ENOX1: variants seen among roughly 807,000 people sequenced by gnomAD.
The protein encoded by ENOX1 is candidate growth-related and time keeping constitutive hydroquinone (NADH) oxidase.
A neutral mutation model predicts 82.5 loss-of-function variants in ENOX1; 42 were observed. The observed-to-expected ratio is 0.51, with a 90% confidence interval of 0.40 to 0.66. The LOEUF (loss-of-function observed/expected upper bound fraction) is 0.66. ENOX1 is among the 30% of genes least tolerant of loss of function. The pLI, the probability that ENOX1 is intolerant of heterozygous loss-of-function variation, is 0.00. For synonymous variants in ENOX1, 271 were observed against 282.2 expected (o/e 0.96, Z 0.40); for missense variants, 608 against 811.6 (o/e 0.75, Z 3.05).
At chr13:43,671,666 C>T (rs931936606) in intron 1 of ENOX1, among the ~76,000 whole-genome samples, 47 of 152,090 alleles carry the variant, frequency 3.1e-4, no homozygotes, top group African/African-American at 1.1e-3. Flanking sequence ...AAAAAGAAAC[C>T]CCTAGAATAG....
intron 2 of ENOX1, among the ~76,000 whole-genome samples, chr13:43,491,758 T>C (rs1461835519): frequency 6.6e-6 from 1 of 152,028 alleles, no homozygotes; most frequent in Non-Finnish European, 1.5e-5. Flanking sequence ...TGAGACTCCA[T>C]CTCAAAAATA....
intron 2 of ENOX1, among the ~76,000 whole-genome samples, chr13:43,640,911 C>T (rs981640939): frequency 6.4e-4 from 12 of 18,806 alleles, no homozygotes; most frequent in East Asian, 1.8e-3. Context: ...CACACACGCA[C>T]GCACACATAC....
intron 7 of ENOX1, among the ~76,000 whole-genome samples, chr13:43,358,262 A>C (rs749239572): frequency 7.9e-5 from 12 of 152,158 alleles, no homozygotes; most frequent in Non-Finnish European, 1.8e-4. Context: ...CTTCTCATTT[A>C]ATCAAGTAGG....
intron 1 of ENOX1, among the ~76,000 whole-genome samples, chr13:43,766,538 A>T (rs113968871): frequency 1.3e-5 from 2 of 152,204 alleles, no homozygotes; most frequent in Non-Finnish European, 2.9e-5. Flanking sequence ...ATGGGGTAGC[A>T]CACTGCTATA....
chr13:43,419,084 A>G (rs2181499), intron 3 of ENOX1, among the ~76,000 whole-genome samples: 27,397 of 152,120 alleles, frequency 0.18, 3,023 homozygotes, highest in East Asian at 0.52. Context: ...AGGCTGAGGC[A>G]GGAGAATCGC....
chr13:43,425,615 C>T (rs1023359181), intron 3 of ENOX1, among the ~76,000 whole-genome samples: 5 of 152,136 alleles, frequency 3.3e-5, no homozygotes, highest in African/African-American at 1.2e-4. Context: ...AGCAACTAGT[C>T]TATTTTTTTA....
intron 1 of ENOX1, among the ~76,000 whole-genome samples, chr13:43,769,292 G>A (rs114222032): frequency 0.011 from 1,675 of 152,134 alleles, 25 homozygotes; most frequent in African/African-American, 0.037. Context: ...CTACTATAGC[G>A]AATAGCACCC....
intron 1 of ENOX1, among the ~76,000 whole-genome samples, chr13:43,725,420 G>C (rs1393131294): frequency 6.6e-6 from 1 of 152,106 alleles, no homozygotes; most frequent in Non-Finnish European, 1.5e-5. Flanking sequence ...CCAAGTAGTA[G>C]TGTTATTCTT....
intron 2 of ENOX1, among the ~76,000 whole-genome samples, chr13:43,630,587 A>G (rs997182034): frequency 3.3e-5 from 5 of 152,094 alleles, no homozygotes; most frequent in Admixed American, 3.3e-4. Flanking sequence ...ATGAAGTAAA[A>G]GGATTACCTT....
intron 3 of ENOX1, among the ~76,000 whole-genome samples, chr13:43,445,821 A>T: frequency 6.6e-6 from 1 of 152,212 alleles, no homozygotes; most frequent in East Asian, 1.9e-4. Context: ...CCTGGGAGAT[A>T]AGAAGAGATT....
At chr13:43,588,712 C>G (rs2081105292) in intron 2 of ENOX1, among the ~76,000 whole-genome samples, 1 of 152,188 alleles carries the variant, frequency 6.6e-6, no homozygotes, top group Non-Finnish European at 1.5e-5. Flanking sequence ...AAATTCTGCT[C>G]AGATCCTCAA....
chr13:43,538,484 C>T (rs1286078569), intron 2 of ENOX1, among the ~76,000 whole-genome samples: 1 of 151,860 alleles, frequency 6.6e-6, no homozygotes, highest in Non-Finnish European at 1.5e-5. Context: ...TTAATAAATA[C>T]TTTATCATCA....
At chr13:43,585,929 G>A (rs2080959466) in intron 2 of ENOX1, among the ~76,000 whole-genome samples, 1 of 152,116 alleles carries the variant, frequency 6.6e-6, no homozygotes, top group Admixed American at 6.5e-5. Context: ...TATATTTATG[G>A]GTTACAATGT....
At position 43,786,548 on chromosome 13, in the gene ENOX1, C is replaced by G. The variant is rs1952641465; in HGVS notation, c.-285+104G>C. 1 of 152,542 alleles carries G rather than the reference C, an allele frequency of 6.6e-6. No homozygotes were observed. The allele number at this position is 152,542 out of a possible 1,614,324, so 9.4% of individuals were successfully genotyped here. ...CCACTCCCCTCCCCCCTCGCCCACT[C>G]CCCTCTCAGTCTAGATCCAGGTGCC... On this transcript the variant is annotated intron_variant, in intron 1 of 16. Coordinates refer to ENST00000690772, the MANE Select transcript of ENOX1 (RefSeq NM_001347969.2). This position sits in a 1 kb window ranked among gnomAD's most constrained non-coding sequence, Gnocchi z 6.0.
intron 1 of ENOX1, among the ~76,000 whole-genome samples, chr13:43,685,955 G>A (rs1352830982): frequency 1.3e-5 from 2 of 150,598 alleles, no homozygotes; most frequent in Non-Finnish European, 2.9e-5. Context: ...TATATGTGAA[G>A]TCTTGGCCAA....
intron 12 of ENOX1, among the ~76,000 whole-genome samples, chr13:43,290,750 G>A (rs1331619984): frequency 3.3e-5 from 5 of 152,204 alleles, no homozygotes; most frequent in Non-Finnish European, 7.3e-5. Flanking sequence ...GTTGAGGCTG[G>A]GTGCAGCGGC....
chr13:43,326,526 C>T lies in ENOX1; in HGVS notation c.1037-1G>A. 1 of 1,613,544 alleles carries T rather than the reference C, an allele frequency of 6.2e-7. No homozygotes were observed. The highest frequency in any genetic ancestry group is 8.5e-7 in the Non-Finnish European group (1 of 1,179,450). ...TTGAAAACGGCCACAATCTGCTCAACTTTGGTGAACAAGGAAGTCAAACAA... is the reference window on the plus strand; with the variant it reads ...TTGAAAACGGCCACAATCTGCTCAATTTTGGTGAACAAGGAAGTCAAACAA... On this transcript the variant is annotated splice_acceptor_variant, in intron 9 of 16. Transcript: ENST00000690772. LOFTEE classifies it high-confidence loss of function.
chr13:43,651,902 G>C (rs1055391318), intron 2 of ENOX1, among the ~76,000 whole-genome samples: 2 of 148,452 alleles, frequency 1.3e-5, no homozygotes, highest in African/African-American at 5.0e-5. Flanking sequence ...TTGAACCCAG[G>C]AGTCGGAGGT....
At chr13:43,505,057 G>C (rs552898382) in intron 2 of ENOX1, among the ~76,000 whole-genome samples, 9 of 151,790 alleles carry the variant, frequency 5.9e-5, no homozygotes, top group African/African-American at 2.2e-4. Flanking sequence ...GGAAATAAAA[G>C]AAACACCTAT....
Sources: allele counts gnomAD v4.1 joint callset (sites outside exome capture counted in the v4.1 genomes callset), GRCh38; gene constraint gnomAD v4.1.1; non-coding constraint Gnocchi (gnomAD v3.1); transcripts MANE v1.5; gene names NCBI Gene and HGNC (gene_info 2026-07-23, HGNC 2026-07-21).